The following PLD1 variants were observed in gnomAD, a reference collection of about 807,000 sequenced individuals.
PLD1 encodes choline phosphatase 1.
PLD1 carries 112 observed loss-of-function variants against 137.1 expected under a neutral mutation model. That is an observed-to-expected ratio of 0.82 (90% CI 0.70 to 0.96). The LOEUF is 0.96. PLD1 is among the 40% of genes least tolerant of loss of function. PLD1 has a pLI of 0.00. For missense variants in PLD1, 1,321 were observed against 1,342.0 expected, an observed-to-expected ratio of 0.98 and a Z score of 0.24; for synonymous variants, 431 against 454.7, an observed-to-expected ratio of 0.95 and a Z score of 0.66.
intron 1 of PLD1, among the ~76,000 whole-genome samples, chr3:171,763,449 GA>G (rs1721545844): frequency 9.7e-6 from 1 of 103,242 alleles, no homozygotes; most frequent in Non-Finnish European, 1.9e-5. Flanking sequence ...AGAAGAGAAA[GA>G]GGAGGGGAGG....
intron 20 of PLD1, among the ~76,000 whole-genome samples, chr3:171,661,238 G>A (rs1341299556): frequency 5.3e-5 from 8 of 152,084 alleles, no homozygotes; most frequent in African/African-American, 1.4e-4. Flanking sequence ...TGTGCAGAGC[G>A]GGAGAGGGCC....
chr3:171,748,969 C>G (rs189911479), intron 1 of PLD1, among the ~76,000 whole-genome samples: 2 of 151,690 alleles, frequency 1.3e-5, no homozygotes, highest in East Asian at 3.9e-4. Context: ...CTAGCAGCAA[C>G]AGTTGGATTT....
At chr3:171,772,321 A>G (rs1362587123) in intron 1 of PLD1, among the ~76,000 whole-genome samples, 1 of 152,250 alleles carries the variant, frequency 6.6e-6, no homozygotes, top group Non-Finnish European at 1.5e-5. Context: ...CTCCTAAACC[A>G]TAAGATTGGA....
intron 1 of PLD1, among the ~76,000 whole-genome samples, chr3:171,752,213 C>T (rs1720715052): frequency 6.6e-6 from 1 of 152,082 alleles, no homozygotes; most frequent in South Asian, 2.1e-4. Context: ...AAACATAGAA[C>T]AATCCTGTTA....
At chr3:171,675,607 T>C (rs894723452) in intron 18 of PLD1, among the ~76,000 whole-genome samples, 1 of 152,198 alleles carries the variant, frequency 6.6e-6, no homozygotes, top group Non-Finnish European at 1.5e-5. Context: ...TTTGCCAGTA[T>C]AGCAGGTTAA....
chr3:171,672,429 T>C (rs1274228165), intron 19 of PLD1, among the ~76,000 whole-genome samples: 3 of 152,166 alleles, frequency 2.0e-5, no homozygotes, highest in Non-Finnish European at 2.9e-5. Flanking sequence ...CACCTGAACA[T>C]GTGAGGGATT....
At chr3:171,799,151 C>T (rs1309166285) in intron 1 of PLD1, among the ~76,000 whole-genome samples, 2 of 151,904 alleles carry the variant, frequency 1.3e-5, no homozygotes, top group Non-Finnish European at 2.9e-5. Flanking sequence ...CCAGCCTGAC[C>T]AACACGGTGA....
intron 24 of PLD1, among the ~76,000 whole-genome samples, chr3:171,619,697 A>G (rs1733425075): frequency 6.6e-6 from 1 of 152,216 alleles, no homozygotes. Context: ...ATAAACACAT[A>G]CGAATTACCA....
chr3:171,617,866 A>G (rs1733251965), intron 24 of PLD1, among the ~76,000 whole-genome samples: 3 of 152,206 alleles, frequency 2.0e-5, no homozygotes, highest in African/African-American at 7.2e-5. Flanking sequence ...TTAATCATAC[A>G]TTACTTAAAC....
At chr3:171,796,127 A>C (rs1009538026) in intron 1 of PLD1, among the ~76,000 whole-genome samples, 2 of 152,228 alleles carry the variant, frequency 1.3e-5, no homozygotes, top group African/African-American at 4.8e-5. Context: ...TTTGCTGTCC[A>C]CTTTTTGTAA....
intron 8 of PLD1, among the ~76,000 whole-genome samples, chr3:171,722,868 A>G (rs755253036): frequency 1.3e-5 from 2 of 151,992 alleles, no homozygotes; most frequent in Admixed American, 6.6e-5. Context: ...TGTATTTTTA[A>G]TTTCTGTGGG....
chr3:171,738,358 T>C (rs1719538923), intron 1 of PLD1, among the ~76,000 whole-genome samples: 1 of 151,770 alleles, frequency 6.6e-6, no homozygotes, highest in Non-Finnish European at 1.5e-5. Context: ...ATTTCTCTCA[T>C]CCAACTTTAT....
intron 26 of PLD1, among the ~76,000 whole-genome samples, chr3:171,604,292 C>A (rs1732032947): frequency 7.0e-6 from 1 of 142,308 alleles, no homozygotes; most frequent in Non-Finnish European, 1.5e-5. Context: ...CCAGCCTGGG[C>A]AACAGGGTGA....
intron 1 of PLD1, among the ~76,000 whole-genome samples, chr3:171,808,970 G>A (rs1018290293): frequency 1.3e-5 from 2 of 151,766 alleles, no homozygotes; most frequent in Non-Finnish European, 2.9e-5. Context: ...GATTACAGGC[G>A]TGTGCCACCA....
chr3:171,747,755 C>T (rs776670393), intron 1 of PLD1, among the ~76,000 whole-genome samples: 3 of 152,206 alleles, frequency 2.0e-5, no homozygotes, highest in Non-Finnish European at 4.4e-5. Flanking sequence ...GTCCTTACAA[C>T]AGACCTATGA....
At chr3:171,764,880 AAAG>A in intron 1 of PLD1, among the ~76,000 whole-genome samples, 1 of 23,306 alleles carries the variant, frequency 4.3e-5, no homozygotes, top group African/African-American at 1.5e-4. Context: ...AGAAAGAAAG[AAAG>A]AAAGAAAGAA....
Position 171,654,800 on chromosome 3 carries a change from T to G in PLD1, c.2429+4413A>C, listed in dbSNP as rs13317506. ...TATTAGAGTGAAGATTTGTTTTTTG[T>G]TTTTTTTTTATTCTGATTCCCCCGG... is the stretch of plus-strand genomic sequence containing the variant. On this transcript the variant is annotated intron_variant, in intron 21 of 26. Transcript: ENST00000351298. 7.9e-3 allele frequency among the ~76,000 whole-genome samples: 1,050 copies of G among 132,474 alleles called. 11 individuals carry two copies. The highest frequency in any genetic ancestry group is 0.031 in the African/African-American group (821 of 26,134). The allele number at this position is 132,474 out of a possible 152,430, so 86.9% of individuals were successfully genotyped here.
chr3:171,810,315 G>A (rs1044837479), intron 1 of PLD1, 84 bp downstream of exon 1: 1 of 152,310 alleles, frequency 6.6e-6, no homozygotes, highest in Non-Finnish European at 1.5e-5. Context: ...GCCCAGGTTG[G>A]GCGGAGGAGG....
chr3:171,796,101 T>C (rs1327389048), intron 1 of PLD1, among the ~76,000 whole-genome samples: 4 of 152,214 alleles, frequency 2.6e-5, no homozygotes, highest in Admixed American at 1.3e-4. Flanking sequence ...AATGATTCAA[T>C]CCAGTTCCCC....
Sources: gnomAD v4.1 joint callset for allele counts (sites outside exome capture counted in the v4.1 genomes callset) on GRCh38, gnomAD v4.1.1 for gene constraint, MANE v1.5 for transcripts, NCBI Gene and HGNC (gene_info 2026-07-23, HGNC 2026-07-21) for gene names.